GRIN3A: variants seen among roughly 807,000 people sequenced by gnomAD.
GRIN3A encodes the protein glutamate receptor ionotropic, NMDA 3A.
Under a neutral mutation model 92.4 loss-of-function variants are expected in GRIN3A, and 47 were observed. The observed-to-expected ratio is 0.51, with a 90% CI of 0.40 to 0.65. The LOEUF (loss-of-function observed/expected upper bound fraction) is 0.65, where lower values mean the gene tolerates loss of function less well. Among genes scored for constraint, GRIN3A ranks in the 30% least tolerant of loss-of-function variants. The probability of loss-of-function intolerance (pLI) is 0.00; values close to 1 mark genes in which losing one functional copy is unlikely to be tolerated. For missense variants in GRIN3A, 1,324 were observed against 1,393.1 expected (o/e 0.95, Z 0.79); for synonymous variants, 527 against 540.6 (o/e 0.97, Z 0.35).
At position 101,670,725 on chromosome 9, in the gene GRIN3A, T is replaced by C. The variant is rs1452443942; in HGVS notation, c.1687A>G (p.Ser563Gly). Residue 563 changes from serine (S) to glycine (G), a missense_variant, in exon 3 of 9, where the codon AGC (serine) becomes GGC (glycine). Physicochemically the swap from Ser to Gly is moderately conservative, Grantham distance 56 (BLOSUM62 0). Transcript: ENST00000361820. ...TTAATGGGCACTGTATCATTACTGC[T>C]ATGGAGGCTGCTAAAAAGGCTGTCC... The part of the protein sequence containing the change: ...TLDSLFSSLH[S>G]SNDTVPIKFK... 2 of 1,614,090 alleles carry C rather than the reference T, an allele frequency of 1.2e-6. No individual in the cohort carries two copies. The highest frequency in any genetic ancestry group is 2.2e-5 in the East Asian group (1 of 44,864).
chr9:101,694,053 G>A (rs1473121395), intron 1 of GRIN3A, among the ~76,000 whole-genome samples: 1 of 152,228 alleles, frequency 6.6e-6, no homozygotes, highest in African/African-American at 2.4e-5. Flanking sequence ...GTTTCAGAAG[G>A]CAGGATTATC....
chr9:101,574,193 T>C (rs1369601716), intron 8 of GRIN3A, among the ~76,000 whole-genome samples: 5 of 152,184 alleles, frequency 3.3e-5, no homozygotes, highest in African/African-American at 4.8e-5. Flanking sequence ...GCAATCCTGT[T>C]TTAGGCTTGC....
intron 1 of GRIN3A, 44 bp downstream of exon 1, chr9:101,737,237 C>T (rs1190126554): frequency 1.3e-6 from 2 of 1,542,310 alleles, no homozygotes; most frequent in Non-Finnish European, 1.8e-6. Flanking sequence ...GGCCCCGGCC[C>T]CCAGCAGCGC....
At chr9:101,671,972 G>T (rs1829332588) in intron 2 of GRIN3A, among the ~76,000 whole-genome samples, 1 of 152,128 alleles carries the variant, frequency 6.6e-6, no homozygotes, top group East Asian at 1.9e-4. Context: ...GACTAATATG[G>T]CTTGGTCTTA....
intron 3 of GRIN3A, among the ~76,000 whole-genome samples, chr9:101,644,721 T>C (rs1468925501): frequency 6.6e-6 from 1 of 151,936 alleles, no homozygotes; most frequent in Non-Finnish European, 1.5e-5. Context: ...ATTATCTCTT[T>C]TTCCTCTCTA....
At position 101,588,934 on chromosome 9, in the gene GRIN3A, C is replaced by T. The variant is rs549216586; in HGVS notation, c.2767-9574G>A. On this transcript the variant is annotated intron_variant, in intron 6 of 8. Transcript: ENST00000361820. ...TAAATATTATAATTTATGGTATATA[C>T]GACAAATATTGCTACAATAAAAATT... Among the ~76,000 whole-genome samples, 37 of 151,938 alleles carry T rather than the reference C, an allele frequency of 2.4e-4. 1 individual carries two copies. The South Asian group carries it at 4.4e-3, about 18-fold the overall frequency.
At chr9:101,611,505 G>A (rs9299346) in intron 6 of GRIN3A, among the ~76,000 whole-genome samples, 47,288 of 151,984 alleles carry the variant, frequency 0.31, 7,631 homozygotes, top group East Asian at 0.37. Flanking sequence ...AATTTTGGGG[G>A]TACGCTATTT....
intron 1 of GRIN3A, among the ~76,000 whole-genome samples, chr9:101,690,806 T>C (rs912529963): frequency 6.6e-6 from 1 of 152,136 alleles, no homozygotes; most frequent in Non-Finnish European, 1.5e-5. Context: ...TAAATTACTG[T>C]GTTATAAATT....
intron 1 of GRIN3A, among the ~76,000 whole-genome samples, chr9:101,696,836 C>T (rs2485524): frequency 0.92 from 140,747 of 152,206 alleles, 65,396 homozygotes; most frequent in Middle Eastern, 0.97. Context: ...CTCAGCTAAA[C>T]GCTGATTATT....
Position 101,573,489 on chromosome 9 carries a change from A to C in GRIN3A, c.3033T>G (p.Leu1011=). The C allele has an allele frequency of 3.1e-6, 5 of 1,613,982 alleles. No homozygotes were observed. The highest frequency in any genetic ancestry group is 3.4e-6 in the Non-Finnish European group (4 of 1,179,896). The change falls in exon 9 of 9, where the codon CTT becomes CTG. Residue 1011 remains leucine, a synonymous_variant. Transcript: ENST00000361820. The part of the protein sequence containing the change: ...EKRSNVGPRQ[L]TVWNTSNLSH... ...TCAGATTGGAAGTATTCCATACGGT[A>C]AGCTGACGGGGTCCCACATTAGACC... is the stretch of plus-strand genomic sequence containing the variant.
chr9:101,594,861 T>C (rs1212935879), intron 6 of GRIN3A: 1 of 1,604,438 alleles, frequency 6.2e-7, no homozygotes, highest in East Asian at 2.2e-5. Context: ...CCCAGCCTTT[T>C]AATTTCATCA....
At chr9:101,614,809 G>A (rs916432954) in intron 5 of GRIN3A, among the ~76,000 whole-genome samples, 3 of 151,320 alleles carry the variant, frequency 2.0e-5, no homozygotes, top group Non-Finnish European at 4.4e-5. Flanking sequence ...TGTTGAGATA[G>A]GGTCTCACCG....
intron 2 of GRIN3A, among the ~76,000 whole-genome samples, chr9:101,685,311 T>C: frequency 6.7e-6 from 1 of 149,196 alleles, no homozygotes; most frequent in East Asian, 1.9e-4. Context: ...ATCATGTCTT[T>C]TTTTTTTTTT....
rs191655053 is a variant in GRIN3A, at chr9:101,667,163, G to A, written c.2352+2897C>T. On this transcript the variant is annotated intron_variant, in intron 3 of 8. Transcript: ENST00000361820. ...ATATCTTGCCTGTGCTTTATACTTC[G>A]TATTACCTATATACTTTATACTATA... Among the ~76,000 whole-genome samples the A allele has an allele frequency of 1.1e-3, 168 of 151,784 alleles. 1 individual carries two copies. The highest frequency in any genetic ancestry group is 3.9e-3 in the African/African-American group (161 of 41,434).
chr9:101,630,973 A>G (rs932483748), intron 3 of GRIN3A, among the ~76,000 whole-genome samples: 7 of 152,180 alleles, frequency 4.6e-5, no homozygotes, highest in African/African-American at 1.7e-4. Flanking sequence ...ACTTATATGC[A>G]TTCTTCTGCT....
intron 3 of GRIN3A, among the ~76,000 whole-genome samples, chr9:101,664,423 A>G (rs988760225): frequency 1.3e-5 from 2 of 151,994 alleles, no homozygotes; most frequent in African/African-American, 2.4e-5. Context: ...CTTGCTTCCC[A>G]GATGAGTTGG....
intron 1 of GRIN3A, among the ~76,000 whole-genome samples, chr9:101,730,560 A>T (rs1252392992): frequency 6.6e-6 from 1 of 152,176 alleles, no homozygotes; most frequent in Non-Finnish European, 1.5e-5. Context: ...TACAGCCAAG[A>T]TTCTAACATA....
intron 6 of GRIN3A, among the ~76,000 whole-genome samples, chr9:101,586,886 A>G (rs933398058): frequency 4.6e-5 from 7 of 152,184 alleles, no homozygotes; most frequent in Admixed American, 2.0e-4. Flanking sequence ...TGCCCCAAAG[A>G]CATAGTCCCC....
At chr9:101,606,906 ATTTTTTTTT>A (rs536780165) in intron 6 of GRIN3A, among the ~76,000 whole-genome samples, 5 of 86,202 alleles carry the variant, frequency 5.8e-5, no homozygotes, top group African/African-American at 1.9e-4. Context: ...AAAAAATTAC[ATTTTTTTTT>A]TTTTTTTTTT....
Sources: allele counts gnomAD v4.1 joint callset (sites outside exome capture counted in the v4.1 genomes callset), GRCh38; gene constraint gnomAD v4.1.1; transcripts MANE v1.5; gene names NCBI Gene and HGNC (gene_info 2026-07-23, HGNC 2026-07-21).